The following ZMAT4 variants were observed in gnomAD, a reference collection of about 807,000 sequenced individuals.
The protein encoded by ZMAT4 is zinc finger matrin-type protein 4.
In ZMAT4, 17 loss-of-function variants were observed where a neutral mutation model predicts 28.7. The ratio of observed to expected loss-of-function variants is 0.59; its 90% CI spans 0.41 to 0.89. The LOEUF is 0.89. ZMAT4 is among the 40% of genes least tolerant of loss of function. The pLI, the probability that ZMAT4 is intolerant of heterozygous loss-of-function variation, is 0.00. For synonymous variants in ZMAT4, 117 were observed against 109.2 expected (o/e 1.07, Z -0.44); for missense variants, 240 against 283.8 (o/e 0.85, Z 1.11).
intron 1 of ZMAT4, among the ~76,000 whole-genome samples, chr8:40,878,789 G>A (rs2150661076): frequency 6.6e-6 from 1 of 152,302 alleles, no homozygotes; most frequent in South Asian, 2.1e-4. Context: ...CCTGTTTCCT[G>A]GGAGATGCCC....
intron 6 of ZMAT4, among the ~76,000 whole-genome samples, chr8:40,579,315 TTG>T (rs765533467): frequency 6.6e-6 from 1 of 152,200 alleles, no homozygotes; most frequent in Non-Finnish European, 1.5e-5. Flanking sequence ...TTGCAGGTAT[TTG>T]TGTGTCTGTC....
chr8:40,574,517 T>C (rs1804198167), intron 6 of ZMAT4, among the ~76,000 whole-genome samples: 1 of 152,180 alleles, frequency 6.6e-6, no homozygotes, highest in Admixed American at 6.5e-5. Flanking sequence ...AACAGCAAGA[T>C]GGCTGACTAG....
chr8:40,628,317 G>T (rs1482716204), intron 5 of ZMAT4, among the ~76,000 whole-genome samples: 2 of 152,304 alleles, frequency 1.3e-5, no homozygotes, highest in South Asian at 4.1e-4. Flanking sequence ...GGACTAAAAA[G>T]ATTGTTAACA....
chr8:40,679,853 T>C (rs1809077539), intron 4 of ZMAT4, among the ~76,000 whole-genome samples: 1 of 152,192 alleles, frequency 6.6e-6, no homozygotes, highest in African/African-American at 2.4e-5. Context: ...TAGTGTAAAT[T>C]CCAAGCCTTT....
At chr8:40,579,018 T>G (rs1804363476) in intron 6 of ZMAT4, among the ~76,000 whole-genome samples, 1 of 152,158 alleles carries the variant, frequency 6.6e-6, no homozygotes, top group Admixed American at 6.5e-5. Context: ...TCACTTTACC[T>G]CTCTAAGCAT....
At chr8:40,876,740 T>C (rs1328514893) in intron 1 of ZMAT4, among the ~76,000 whole-genome samples, 1 of 152,258 alleles carries the variant, frequency 6.6e-6, no homozygotes, top group African/African-American at 2.4e-5. Flanking sequence ...GTAAGGCTTC[T>C]GATCAGTAGT....
intron 3 of ZMAT4, among the ~76,000 whole-genome samples, chr8:40,717,433 T>C (rs1286523825): frequency 1.3e-5 from 2 of 152,126 alleles, no homozygotes; most frequent in Non-Finnish European, 2.9e-5. Context: ...GGCAGGAGGA[T>C]TGCTTGAGGC....
At chr8:40,622,862 C>A (rs1430283415) in intron 5 of ZMAT4, among the ~76,000 whole-genome samples, 1 of 152,148 alleles carries the variant, frequency 6.6e-6, no homozygotes, top group Non-Finnish European at 1.5e-5. Context: ...ACCCAAACAC[C>A]TCCCACCAGG....
intron 4 of ZMAT4, among the ~76,000 whole-genome samples, chr8:40,679,817 C>A (rs1034104694): frequency 2.0e-5 from 3 of 152,188 alleles, no homozygotes; most frequent in African/African-American, 7.2e-5. Context: ...CTTCATGGTG[C>A]CAGCACTTTG....
intron 6 of ZMAT4, among the ~76,000 whole-genome samples, chr8:40,537,781 A>G (rs1258082963): frequency 1.3e-5 from 2 of 152,160 alleles, no homozygotes; most frequent in East Asian, 3.9e-4. Flanking sequence ...CATTTTACAG[A>G]TGAGGAAACT....
In ZMAT4 at chr8:40,738,235, CAA is replaced by C. The variant is rs141837768; in HGVS notation, c.192+29404_192+29405del. Reference sequence around the variant, plus strand: ...CTGGGGAGTTGGATTGCAGTGGAGACAAAGAGAATTCATGCATTATTAAGAAA... The same window carrying C: ...CTGGGGAGTTGGATTGCAGTGGAGACAGAGAATTCATGCATTATTAAGAAA... On this transcript the variant is annotated intron_variant, in intron 3 of 6. Transcript: ENST00000297737. 9.2e-3 allele frequency among the ~76,000 whole-genome samples: 1,403 copies of C among 152,132 alleles called. 21 individuals carry two copies. The highest frequency in any genetic ancestry group is 0.031 in the African/African-American group (1,302 of 41,502).
intron 6 of ZMAT4, among the ~76,000 whole-genome samples, chr8:40,574,762 G>T (rs1804206668): frequency 6.6e-6 from 1 of 152,136 alleles, no homozygotes; most frequent in South Asian, 2.1e-4. Context: ...GTGGAGAAAA[G>T]ATAGGCAGAA....
chr8:40,826,149 A>G (rs748826349), intron 1 of ZMAT4, among the ~76,000 whole-genome samples: 86 of 152,342 alleles, frequency 5.6e-4, no homozygotes, highest in Non-Finnish European at 1.1e-3. Flanking sequence ...CATGTTATAT[A>G]TATTTATATG....
chr8:40,876,264 C>T (rs1278348552), intron 1 of ZMAT4, among the ~76,000 whole-genome samples: 1 of 152,178 alleles, frequency 6.6e-6, no homozygotes, highest in East Asian at 1.9e-4. Context: ...TTATGATAAT[C>T]CCTTCACTTA....
At chr8:40,669,195 G>A (rs1294943867) in intron 5 of ZMAT4, among the ~76,000 whole-genome samples, 1 of 152,090 alleles carries the variant, frequency 6.6e-6, no homozygotes, top group South Asian at 2.1e-4. Context: ...GCCAGATGAC[G>A]AGGAAGAAGA....
At chr8:40,889,623 A>G (rs1818594312) in intron 1 of ZMAT4, among the ~76,000 whole-genome samples, 1 of 152,180 alleles carries the variant, frequency 6.6e-6, no homozygotes, top group Admixed American at 6.5e-5. Context: ...TTTAATTGCA[A>G]TTATACTCTA....
At chr8:40,760,213 C>T (rs1359781394) in intron 3 of ZMAT4, among the ~76,000 whole-genome samples, 2 of 152,228 alleles carry the variant, frequency 1.3e-5, no homozygotes, top group African/African-American at 2.4e-5. Context: ...GACTCTCCAA[C>T]ACCCAGCTCC....
intron 6 of ZMAT4, among the ~76,000 whole-genome samples, chr8:40,532,769 G>C (rs1387101190): frequency 1.3e-5 from 2 of 152,086 alleles, no homozygotes; most frequent in African/African-American, 4.8e-5. Context: ...AGGTAGAGGT[G>C]GGCAGATCAC....
intron 1 of ZMAT4, among the ~76,000 whole-genome samples, chr8:40,853,801 G>T (rs529018573): frequency 7.2e-5 from 11 of 152,256 alleles, no homozygotes; most frequent in African/African-American, 2.4e-4. Context: ...TTTTAACATC[G>T]TTAAGCAAGT....
Sources: allele counts gnomAD v4.1 joint callset (sites outside exome capture counted in the v4.1 genomes callset), GRCh38; gene constraint gnomAD v4.1.1; transcripts MANE v1.5; gene names NCBI Gene and HGNC (gene_info 2026-07-23, HGNC 2026-07-21).